The following CHL1 variants were observed in gnomAD, a reference collection of about 807,000 sequenced individuals.
The protein encoded by CHL1 is cell adhesion molecule L1 like.
CHL1 carries 96 observed loss-of-function variants against 141.9 expected under a neutral mutation model. That is an observed-to-expected ratio of 0.68 (90% CI 0.57 to 0.80). CHL1 has a LOEUF of 0.80. Ranked by LOEUF, CHL1 falls within the 30% of genes least tolerant of loss-of-function variation. The pLI, the probability that CHL1 is intolerant of heterozygous loss-of-function variation, is 0.00. For missense variants in CHL1, 1,820 were observed against 1,457.2 expected (o/e 1.25, Z -4.05); for synonymous variants, 613 against 502.2 (o/e 1.22, Z -2.95).
chr3:300,408 G>C (rs2124895715), intron 2 of CHL1, among the ~76,000 whole-genome samples: 1 of 152,242 alleles, frequency 6.6e-6, no homozygotes, highest in Admixed American at 6.5e-5. Context: ...ACATGGATTT[G>C]GGTTCTGATG....
At chr3:404,726 G>C (rs1030820351) in intron 27 of CHL1, among the ~76,000 whole-genome samples, 3 of 152,120 alleles carry the variant, frequency 2.0e-5, no homozygotes, top group Non-Finnish European at 2.9e-5. Flanking sequence ...GAATCAAAAG[G>C]ATCAGAAGTA....
chr3:370,388 G>A (rs1705472669), intron 15 of CHL1, among the ~76,000 whole-genome samples: 1 of 152,128 alleles, frequency 6.6e-6, no homozygotes, highest in Non-Finnish European at 1.5e-5. Flanking sequence ...TTGCATAGAG[G>A]TGTTTATAGT....
chr3:362,792 A>G (rs1704410102), intron 13 of CHL1, among the ~76,000 whole-genome samples: 1 of 152,174 alleles, frequency 6.6e-6, no homozygotes, highest in Admixed American at 6.5e-5. Context: ...CCAGCTTATA[A>G]TATTTCTGAA....
intron 1 of CHL1, among the ~76,000 whole-genome samples, chr3:221,549 T>C (rs1009421981): frequency 2.0e-5 from 3 of 152,204 alleles, no homozygotes; most frequent in Non-Finnish European, 4.4e-5. Flanking sequence ...ATGGTCCTTG[T>C]GAAAGACCAG....
chr3:396,794 T>C (rs1708709233), intron 24 of CHL1, among the ~76,000 whole-genome samples: 1 of 152,162 alleles, frequency 6.6e-6, no homozygotes, highest in African/African-American at 2.4e-5. Context: ...CATGTCTTGC[T>C]ATAAGTACAG....
At chr3:361,942 T>A (rs936962342) in intron 13 of CHL1, 132 bp downstream of exon 13, 8 of 616,292 alleles carry the variant, frequency 1.3e-5, no homozygotes, top group African/African-American at 1.3e-4. Context: ...AGACATAAGG[T>A]AACAAACTTA....
In CHL1 at chr3:344,723, C is replaced by T; in HGVS notation, c.848+14C>T. 1 of 1,612,694 alleles carries T rather than the reference C, an allele frequency of 6.2e-7. No homozygotes were observed. Among genetic ancestry groups the T allele is most frequent in the African/African-American group, 1.3e-5 (1 of 74,950 alleles). On this transcript the variant is annotated intron_variant, in intron 9 of 27. Transcript: ENST00000256509. ...TGCTGAAGGCTTGTGAGTAACCTGACTCTCACTCATGACTTTGTCCATCCA... is the reference window on the plus strand; with the variant it reads ...TGCTGAAGGCTTGTGAGTAACCTGATTCTCACTCATGACTTTGTCCATCCA...
chr3:394,701 A>T lies in CHL1; in HGVS notation c.2923A>T (p.Thr975Ser), dbSNP rs145162591. Residue 975 changes from threonine to serine, a missense_variant, in exon 24 of 28, where the codon ACC becomes TCC. Physicochemically the swap from Thr to Ser is moderately conservative, Grantham distance 58. Transcript: ENST00000256509. ...YLLQYQIIND[T>S]YEIGELNDIN... ...CATGTTTATTTTTTTAGTAAATGAC[A>T]CCTACGAGATTGGAGAATTAAATGA... 14,702 of 1,607,794 alleles carry T rather than the reference A, an allele frequency of 9.1e-3. 78 individuals are homozygous for T. The highest frequency in any genetic ancestry group is 0.011 in the Non-Finnish European group (13,066 of 1,176,924).
intron 2 of CHL1, among the ~76,000 whole-genome samples, chr3:261,951 G>A (rs1694771928): frequency 7.2e-6 from 1 of 138,228 alleles, no homozygotes; most frequent in Non-Finnish European, 1.6e-5. Flanking sequence ...GTACTCACAG[G>A]GCAGGATTCA....
intron 4 of CHL1, among the ~76,000 whole-genome samples, chr3:326,520 A>G (rs1370458185): frequency 2.6e-5 from 4 of 151,850 alleles, no homozygotes; most frequent in Non-Finnish European, 5.9e-5. Context: ...AAGTTGTCAT[A>G]GAAATATTGT....
At chr3:238,090 T>C (rs936912200) in intron 1 of CHL1, among the ~76,000 whole-genome samples, 3 of 152,234 alleles carry the variant, frequency 2.0e-5, no homozygotes, top group African/African-American at 7.2e-5. Context: ...ATTTTTGCAG[T>C]ACTAGTAGCT....
intron 1 of CHL1, among the ~76,000 whole-genome samples, chr3:230,114 T>C (rs1701730244): frequency 6.6e-6 from 1 of 152,196 alleles, no homozygotes; most frequent in Non-Finnish European, 1.5e-5. Context: ...TTTAAAACAC[T>C]CTGTTACCAG....
chr3:273,535 G>A (rs1695823918), intron 2 of CHL1, among the ~76,000 whole-genome samples: 1 of 151,972 alleles, frequency 6.6e-6, no homozygotes, highest in Non-Finnish European at 1.5e-5. Context: ...TTGCCATTAA[G>A]CCTTATCAAT....
chr3:350,914 T>C (rs1240538336), intron 10 of CHL1, among the ~76,000 whole-genome samples: 1 of 152,218 alleles, frequency 6.6e-6, no homozygotes, highest in Non-Finnish European at 1.5e-5. Context: ...ATGTTATGTA[T>C]ATTTTTAGTC....
At chr3:287,947 T>C (rs928058636) in intron 2 of CHL1, among the ~76,000 whole-genome samples, 2 of 152,136 alleles carry the variant, frequency 1.3e-5, no homozygotes, top group African/African-American at 2.4e-5. Flanking sequence ...TTTGTATTTT[T>C]AGTAGAGATG....
intron 2 of CHL1, among the ~76,000 whole-genome samples, chr3:314,298 ACTCTCTCTCTTTCT>A (rs1699983442): frequency 9.8e-6 from 1 of 101,852 alleles, no homozygotes; most frequent in Admixed American, 1.1e-4. Context: ...CCAATCTTGC[ACTCTCTCTCTTTCT>A]CTCTCTCTCT....
At chr3:285,477 G>A (rs1360002120) in intron 2 of CHL1, among the ~76,000 whole-genome samples, 1 of 152,212 alleles carries the variant, frequency 6.6e-6, no homozygotes, top group African/African-American at 2.4e-5. Context: ...GGAAGTCAGA[G>A]AAGATAATCA....
intron 1 of CHL1, among the ~76,000 whole-genome samples, chr3:207,484 G>A (rs1408190410): frequency 6.6e-6 from 1 of 152,154 alleles, no homozygotes; most frequent in East Asian, 1.9e-4. Flanking sequence ...GAGAATTCAT[G>A]CATTTGATTA....
At chr3:263,553 A>G (rs1000619621) in intron 2 of CHL1, among the ~76,000 whole-genome samples, 10 of 152,220 alleles carry the variant, frequency 6.6e-5, no homozygotes, top group African/African-American at 2.4e-4. Flanking sequence ...ACATCATAAA[A>G]TATCCCTCAT....
Sources: gnomAD v4.1 joint callset for allele counts (sites outside exome capture counted in the v4.1 genomes callset) on GRCh38, gnomAD v4.1.1 for gene constraint, MANE v1.5 for transcripts, NCBI Gene and HGNC (gene_info 2026-07-23, HGNC 2026-07-21) for gene names.